The following FAM120C variants were observed in gnomAD, a reference collection of about 807,000 sequenced individuals.
FAM120C encodes the protein constitutive coactivator of PPAR-gamma-like protein 2.
In FAM120C, 14 loss-of-function variants were observed where a neutral mutation model predicts 71.2. The observed-to-expected ratio is 0.20, with a 90% CI of 0.13 to 0.31. FAM120C has a LOEUF of 0.31. Ranked by LOEUF, FAM120C falls within the 10% of genes least tolerant of loss-of-function variation. FAM120C has a pLI of 1.00. For missense variants in FAM120C, 500 were observed against 879.0 expected, an observed-to-expected ratio of 0.57 and a Z score of 5.45; for synonymous variants, 354 against 353.2, an observed-to-expected ratio of 1.00 and a Z score of -0.03.
chrX:54,177,081 GA>G (rs1466164222), intron 1 of FAM120C, among the ~76,000 whole-genome samples: 1 of 111,331 alleles, frequency 9.0e-6, no homozygotes, highest in African/African-American at 3.3e-5. Flanking sequence ...GTATGTCTAG[GA>G]AACTAAGAAA....
intron 10 of FAM120C, among the ~76,000 whole-genome samples, chrX:54,093,318 C>G: frequency 9.0e-6 from 1 of 111,661 alleles, no homozygotes; most frequent in South Asian, 3.7e-4. Flanking sequence ...GGGAGAACAG[C>G]GAACTCACAG....
intron 13 of FAM120C, among the ~76,000 whole-genome samples, chrX:54,083,365 G>A (rs2066776557): frequency 9.3e-6 from 1 of 107,631 alleles, no homozygotes; most frequent in Non-Finnish European, 1.9e-5. Context: ...ACTTTGGGAA[G>A]CCAAGGCAGG....
intron 1 of FAM120C, among the ~76,000 whole-genome samples, chrX:54,177,132 C>T (rs2067322995): frequency 1.8e-5 from 2 of 111,304 alleles, no homozygotes; most frequent in South Asian, 3.8e-4. Flanking sequence ...GAGGTGAGCA[C>T]CAGGTAAGTC....
intron 1 of FAM120C, among the ~76,000 whole-genome samples, chrX:54,173,303 C>T (rs2067298516): frequency 8.9e-6 from 1 of 112,079 alleles, no homozygotes; most frequent in Admixed American, 9.5e-5. Context: ...GGCTGGAGTG[C>T]AATGGTGCAA....
chrX:54,166,407 T>C (rs1557135171), intron 1 of FAM120C, among the ~76,000 whole-genome samples: 6 of 112,074 alleles, frequency 5.4e-5, no homozygotes. Context: ...TGTAAAGCAC[T>C]TGGAACAACA....
intron 4 of FAM120C, among the ~76,000 whole-genome samples, chrX:54,138,259 G>A (rs2067104128): frequency 9.0e-6 from 1 of 110,831 alleles, no homozygotes; most frequent in African/African-American, 3.3e-5. Context: ...TCAGCACTTT[G>A]GGAGGCTGAG....
intron 13 of FAM120C, among the ~76,000 whole-genome samples, chrX:54,083,705 G>C (rs782439807): frequency 9.7e-4 from 108 of 110,935 alleles, no homozygotes; most frequent in African/African-American, 3.2e-3. Context: ...CAAGGAACTA[G>C]AGTGCTAGTT....
intron 10 of FAM120C, among the ~76,000 whole-genome samples, chrX:54,114,321 T>C (rs2066955402): frequency 8.9e-6 from 1 of 111,996 alleles, no homozygotes; most frequent in Admixed American, 9.5e-5. Context: ...TGTACACTAT[T>C]TGAGTGATGG....
intron 1 of FAM120C, among the ~76,000 whole-genome samples, chrX:54,174,808 C>CA (rs1233847321): frequency 8.9e-6 from 1 of 112,056 alleles, no homozygotes; most frequent in African/African-American, 3.2e-5. Context: ...GCATGGGCCA[C>CA]ATAAGGCCTA....
At position 54,170,983 on chromosome X, in the gene FAM120C, G is replaced by A. The variant is rs782605154; in HGVS notation, c.700-11367C>T. 9.0e-5 allele frequency among the ~76,000 whole-genome samples: 10 copies of A among 111,609 alleles called. No individual in the cohort carries two copies. In the East Asian group the frequency reaches 2.8e-3, roughly 31 times the overall value. On this transcript the variant is annotated intron_variant, in intron 1 of 15. Transcript: ENST00000375180. The stretch of plus-strand genomic sequence containing the variant: ...TCTGGGTTACCTCAGAAAGGAGGAC[G>A]GGAACTGCAGAGAAGACAATGATCA...
intron 10 of FAM120C, among the ~76,000 whole-genome samples, chrX:54,100,151 G>A (rs1557123937): frequency 9.2e-6 from 1 of 108,745 alleles, no homozygotes; most frequent in East Asian, 2.9e-4. Flanking sequence ...TTTGAGACCA[G>A]CCTAGGCAAC....
intron 11 of FAM120C, among the ~76,000 whole-genome samples, chrX:54,088,591 C>CAAAAAAAAAAAAAAAAAAA (rs1230524883): frequency 6.1e-5 from 2 of 32,930 alleles, no homozygotes; most frequent in Admixed American, 6.0e-4. Context: ...GACTCCATCT[C>CAAAAAAAAAAAAAAAAAAA]AAAAAAAAAA....
At chrX:54,125,311 T>C (rs1431928848) in intron 9 of FAM120C, among the ~76,000 whole-genome samples, 2 of 111,334 alleles carry the variant, frequency 1.8e-5, no homozygotes, top group Admixed American at 1.9e-4. Context: ...GTCTTTTTTT[T>C]CTTTTAAGAC....
chrX:54,174,141 A>G, intron 1 of FAM120C: 1 of 513,709 alleles, frequency 1.9e-6, no homozygotes. Flanking sequence ...ACAACATGGC[A>G]GCTTGCTTCA....
intron 10 of FAM120C, among the ~76,000 whole-genome samples, chrX:54,103,663 A>G (rs1569531909): frequency 9.0e-6 from 1 of 111,629 alleles, no homozygotes; most frequent in Admixed American, 9.6e-5. Flanking sequence ...TATCTGCTCT[A>G]AAACAATGAG....
In FAM120C at chrX:54,132,744, C is replaced by T; in HGVS notation, c.2010G>A (p.Glu670=). 1.7e-6 allele frequency: 2 copies of T among 1,208,482 alleles called. No individual in the cohort carries two copies. The highest frequency in any genetic ancestry group is 2.2e-6 in the Non-Finnish European group (2 of 894,136). ...YVYGVLFSLA[E]TQRKMERLAM... ...CCAAGCGTTCCATTTTCCTCTGTGT[C>T]TCTGCCAGACTAAAAAGAACTCCAT... Residue 670 remains glutamate, a synonymous_variant, in exon 9 of 16, where the codon GAG becomes GAA. Coordinates refer to ENST00000375180, the MANE Select transcript of FAM120C (RefSeq NM_017848.6).
At chrX:54,136,947 T>TTAA (rs2067097890) in intron 4 of FAM120C, among the ~76,000 whole-genome samples, 1 of 107,749 alleles carries the variant, frequency 9.3e-6, no homozygotes, top group African/African-American at 3.4e-5. Flanking sequence ...TATTATTTTA[T>TTAA]TATTATTATT....
At chrX:54,092,870 C>T (rs781961561) in intron 10 of FAM120C, among the ~76,000 whole-genome samples, 1 of 111,986 alleles carries the variant, frequency 8.9e-6, no homozygotes, top group Non-Finnish European at 1.9e-5. Context: ...AATGCAATTA[C>T]AGTGGGAAAT....
In FAM120C at chrX:54,072,015, TAC is replaced by T. The variant is rs1192685699; in HGVS notation, c.*1016_*1017del. The T allele has an allele frequency of 1.9e-5, 2 of 104,405 alleles. No homozygotes were observed. The highest frequency in any genetic ancestry group is 7.0e-5 in the African/African-American group (2 of 28,672). The allele number at this position is 104,405 out of a possible 1,213,427, so 8.6% of individuals were successfully genotyped here. A position where few individuals can be genotyped will look rare whatever the true frequency, so the allele number is the denominator to read the frequency against. On this transcript the variant is annotated 3_prime_UTR_variant, in exon 16 of 16. Coordinates refer to ENST00000375180, the MANE Select transcript of FAM120C (RefSeq NM_017848.6). ...ATATATACACACATATATACACACA[TAC>T]ACACACACTTACATATATATAAAAT...
Sources: gnomAD v4.1 joint callset for allele counts (sites outside exome capture counted in the v4.1 genomes callset) on GRCh38, gnomAD v4.1.1 for gene constraint, MANE v1.5 for transcripts, NCBI Gene and HGNC (gene_info 2026-07-23, HGNC 2026-07-21) for gene names.